Variants in NTRK3 observed in about 807,000 individuals in gnomAD.
The protein encoded by NTRK3 is neurotrophic receptor tyrosine kinase 3.
NTRK3 carries 24 observed loss-of-function variants against 91.7 expected under a neutral mutation model. That is an observed-to-expected ratio of 0.26 (90% CI 0.19 to 0.37). NTRK3 has a LOEUF of 0.37. Among genes scored for constraint, NTRK3 ranks in the 10% least tolerant of loss-of-function variants. The probability of loss-of-function intolerance (pLI) is 1.00; values close to 1 mark genes in which losing one functional copy is unlikely to be tolerated. For synonymous variants in NTRK3, 483 were observed against 404.0 expected, an observed-to-expected ratio of 1.20 and a Z score of -2.34; for missense variants, 880 against 1,068.9, an observed-to-expected ratio of 0.82 and a Z score of 2.46.
chr15:88,214,156 G>C (rs1397074512), intron 3 of NTRK3, among the ~76,000 whole-genome samples: 1 of 152,126 alleles, frequency 6.6e-6, no homozygotes, highest in Non-Finnish European at 1.5e-5. Flanking sequence ...GTTTCCCGGG[G>C]CTCCCATAAC....
chr15:88,149,863 T>C (rs2043213225), intron 5 of NTRK3, among the ~76,000 whole-genome samples: 1 of 152,268 alleles, frequency 6.6e-6, no homozygotes, highest in South Asian at 2.1e-4. Flanking sequence ...TCTAAGTGTT[T>C]GATTCATCTA....
intron 3 of NTRK3, among the ~76,000 whole-genome samples, chr15:88,217,973 AT>A (rs2049935939): frequency 6.6e-6 from 1 of 151,716 alleles, no homozygotes; most frequent in African/African-American, 2.4e-5. Flanking sequence ...TTTTAGCACA[AT>A]TTTTTAAGGC....
At chr15:88,189,093 C>T (rs1402459920) in intron 3 of NTRK3, among the ~76,000 whole-genome samples, 1 of 152,152 alleles carries the variant, frequency 6.6e-6, no homozygotes, top group Admixed American at 6.5e-5. Flanking sequence ...CAGAGTCGGG[C>T]TTAGGGCAGG....
chr15:87,945,111 GC>G (rs1309612775), intron 14 of NTRK3, among the ~76,000 whole-genome samples: 3 of 152,196 alleles, frequency 2.0e-5, no homozygotes, highest in African/African-American at 7.2e-5. Flanking sequence ...AATACCCCAG[GC>G]CGTGGGAAGA....
At chr15:88,113,190 T>A (rs988972911) in intron 13 of NTRK3, among the ~76,000 whole-genome samples, 1 of 152,102 alleles carries the variant, frequency 6.6e-6, no homozygotes, top group African/African-American at 2.4e-5. Flanking sequence ...AAGGTGTAGG[T>A]TTTGTCTGGA....
intron 6 of NTRK3, among the ~76,000 whole-genome samples, chr15:88,146,550 T>A (rs758726180): frequency 1.4e-4 from 21 of 152,230 alleles, no homozygotes; most frequent in Non-Finnish European, 2.6e-4. Flanking sequence ...TGCACAGAGA[T>A]GACCCCGATG....
At chr15:88,102,500 A>C (rs915955424) in intron 13 of NTRK3, among the ~76,000 whole-genome samples, 2 of 152,178 alleles carry the variant, frequency 1.3e-5, no homozygotes, top group Admixed American at 1.3e-4. Flanking sequence ...TCACTAAAAG[A>C]GTGGAACTGG....
chr15:87,968,106 C>T (rs550197555), intron 14 of NTRK3, among the ~76,000 whole-genome samples: 13 of 152,224 alleles, frequency 8.5e-5, no homozygotes, highest in African/African-American at 3.1e-4. Flanking sequence ...TCTCGTGTCT[C>T]GCAGGTATTA....
chr15:88,007,251 C>T (rs2076560250), intron 14 of NTRK3, among the ~76,000 whole-genome samples: 1 of 152,188 alleles, frequency 6.6e-6, no homozygotes, highest in African/African-American at 2.4e-5. Flanking sequence ...GCTTAAAGAA[C>T]TGAAGTGACT....
intron 13 of NTRK3, among the ~76,000 whole-genome samples, chr15:88,106,279 C>G (rs111604005): frequency 6.6e-6 from 1 of 152,160 alleles, no homozygotes; most frequent in African/African-American, 2.4e-5. Context: ...TGAACAAAGC[C>G]GAGCTGAAAA....
intron 5 of NTRK3, among the ~76,000 whole-genome samples, chr15:88,169,593 C>T (rs1226940983): frequency 6.6e-6 from 1 of 152,182 alleles, no homozygotes; most frequent in African/African-American, 2.4e-5. Flanking sequence ...CAGGGCCATA[C>T]TGGGAGACAG....
At chr15:87,999,909 A>G (rs1392510591) in intron 14 of NTRK3, among the ~76,000 whole-genome samples, 3 of 152,202 alleles carry the variant, frequency 2.0e-5, no homozygotes. Flanking sequence ...CCAAAATATT[A>G]ATTGAAATGC....
At chr15:88,150,175 C>T (rs2043244168) in intron 5 of NTRK3, among the ~76,000 whole-genome samples, 1 of 152,178 alleles carries the variant, frequency 6.6e-6, no homozygotes. Context: ...CTGGTGGGAA[C>T]TAGCAGGCCA....
chr15:88,220,006 G>T (rs1567669596), intron 3 of NTRK3, among the ~76,000 whole-genome samples: 1 of 152,158 alleles, frequency 6.6e-6, no homozygotes, highest in Non-Finnish European at 1.5e-5. Flanking sequence ...GCTATCGACT[G>T]CCAGGAGAGA....
intron 17 of NTRK3, among the ~76,000 whole-genome samples, chr15:87,884,747 A>C (rs1371148644): frequency 6.6e-6 from 1 of 151,724 alleles, no homozygotes; most frequent in Admixed American, 6.6e-5. Flanking sequence ...AAGAAGAAAA[A>C]CCATATTTTC....
intron 13 of NTRK3, among the ~76,000 whole-genome samples, chr15:88,124,092 T>G (rs1273648728): frequency 6.6e-6 from 1 of 152,192 alleles, no homozygotes; most frequent in Non-Finnish European, 1.5e-5. Flanking sequence ...TTATTTATCC[T>G]AAAGTGAGAC....
At chr15:87,997,182 G>A (rs542528822) in intron 14 of NTRK3, among the ~76,000 whole-genome samples, 1 of 152,308 alleles carries the variant, frequency 6.6e-6, no homozygotes, top group East Asian at 1.9e-4. Flanking sequence ...ACTTCCCTTG[G>A]AGACCCAAGG....
At chr15:88,074,234 C>T (rs931279335) in intron 13 of NTRK3, among the ~76,000 whole-genome samples, 1 of 152,196 alleles carries the variant, frequency 6.6e-6, no homozygotes, top group African/African-American at 2.4e-5. Context: ...GAAATAAAAG[C>T]AGTGTCCTCT....
chr15:87,913,328 T>A (rs1347546206), intron 17 of NTRK3, among the ~76,000 whole-genome samples: 1 of 152,060 alleles, frequency 6.6e-6, no homozygotes, highest in Non-Finnish European at 1.5e-5. Context: ...TCAATATCTA[T>A]GTCACATTAG....
Sources: gnomAD v4.1 joint callset for allele counts (sites outside exome capture counted in the v4.1 genomes callset) on GRCh38, gnomAD v4.1.1 for gene constraint, MANE v1.5 for transcripts, NCBI Gene and HGNC (gene_info 2026-07-23, HGNC 2026-07-21) for gene names.